Variants in UBL7 observed in about 807,000 individuals in gnomAD.
UBL7 encodes the protein ubiquitin like 7.
UBL7 carries 21 observed loss-of-function variants against 41.7 expected under a neutral mutation model. The ratio of observed to expected loss-of-function variants is 0.50; its 90% confidence interval spans 0.36 to 0.73. The LOEUF (loss-of-function observed/expected upper bound fraction) is 0.73. UBL7 is among the 30% of genes least tolerant of loss of function. UBL7 has a pLI of 0.00. For synonymous variants in UBL7, 157 were observed against 186.9 expected (o/e 0.84, Z 1.31); for missense variants, 403 against 478.4 (o/e 0.84, Z 1.47).
intron 10 of UBL7, among the ~76,000 whole-genome samples, chr15:74,447,008 G>T (rs2061189978): frequency 6.6e-6 from 1 of 152,108 alleles, no homozygotes; most frequent in South Asian, 2.1e-4. Flanking sequence ...AACATGGAGG[G>T]CTTAAAAAAA....
intron 1 of UBL7, among the ~76,000 whole-genome samples, chr15:74,460,214 C>G (rs2061335853): frequency 6.6e-6 from 1 of 152,084 alleles, no homozygotes. Context: ...TGCACTCCAG[C>G]TTGGGCGACA....
chr15:74,448,986 T>C (rs1040996068), intron 9 of UBL7, among the ~76,000 whole-genome samples, 200 bp downstream of exon 9: 5 of 152,134 alleles, frequency 3.3e-5, no homozygotes, highest in Non-Finnish European at 5.9e-5. Context: ...CACGGGACCA[T>C]GTTAAAATCT....
At position 74,448,534 on chromosome 15, in the gene UBL7, G is replaced by A. The variant is rs752125422; in HGVS notation, c.949C>T (p.Leu317Phe). The change falls in exon 10 of 11, where the codon CTC becomes TTC. Residue 317 changes from leucine (L) to phenylalanine (F), a missense_variant. Leu to Phe is a conservative substitution (Grantham distance 22). Transcript: ENST00000395081. ...VQSGTPITND[L>F]FSQALQHALQ... ...GCATGCTGTAGGGCTTGGCTGAAGAGATCATTGGTGATGGGCGTCCCTGAC... is the reference window on the plus strand; with the variant it reads ...GCATGCTGTAGGGCTTGGCTGAAGAAATCATTGGTGATGGGCGTCCCTGAC... The A allele has an allele frequency of 1.2e-6, 2 of 1,614,078 alleles. No homozygotes were observed. The highest frequency in any genetic ancestry group is 3.3e-5 in the Admixed American group (2 of 60,010).
At chr15:74,449,851 C>T (rs761334354) in intron 7 of UBL7, 85 bp downstream of exon 7, 9 of 1,548,308 alleles carry the variant, frequency 5.8e-6, no homozygotes, top group African/African-American at 4.1e-5. Context: ...CCTCTGCCAA[C>T]GCTATACATA....
chr15:74,452,797 C>T (rs762200340), intron 3 of UBL7, among the ~76,000 whole-genome samples: 2 of 152,184 alleles, frequency 1.3e-5, no homozygotes, highest in Non-Finnish European at 2.9e-5. Context: ...CTGCAACCTC[C>T]ACCTCCCTGG....
intron 9 of UBL7, 131 bp from the exon 10 acceptor site, chr15:74,448,731 T>G (rs2061210415): frequency 1.5e-6 from 2 of 1,310,502 alleles, no homozygotes; most frequent in African/African-American, 2.9e-5. Flanking sequence ...AGACCTGCCA[T>G]AAGACAACCA....
At position 74,458,851 on chromosome 15, in the gene UBL7, C is replaced by T. The variant is rs1204879278; in HGVS notation, c.17G>A (p.Trp6Ter). The stretch of plus-strand genomic sequence containing the variant: ...GTCAGCCAGCTTCACCGCCAGGTGC[C>T]AGTCTGAGAGAGACATCCTCTCTCT... MSLSD[W>*]HLAVKLADQP... The change falls in exon 2 of 11, where the codon TGG (tryptophan) becomes TAG (stop). Residue 6 changes from tryptophan to a stop codon, truncating the protein, a stop_gained. Coordinates refer to ENST00000395081, the MANE Select transcript of UBL7 (RefSeq NM_032907.5). LOFTEE classifies it high-confidence loss of function. 1.2e-6 allele frequency: 2 copies of T among 1,611,728 alleles called. No homozygotes were observed. The highest frequency in any genetic ancestry group is 1.1e-5 in the South Asian group (1 of 91,084).
In UBL7 at chr15:74,450,873, G is replaced by A. The variant is rs2061238753; in HGVS notation, c.473-14C>T. 6.2e-7 allele frequency: 1 copy of A among 1,612,966 alleles called. No homozygotes were observed. Among genetic ancestry groups the A allele is most frequent in the Admixed American group, 1.7e-5 (1 of 59,990 alleles). ...CCTGGAGAACCCCTGAAAAAGAGCA[G>A]AGCTCACCTCAAAGAAAGGAAATCA... On this transcript the variant is annotated splice_polypyrimidine_tract_variant and intron_variant, in intron 5 of 10. Transcript: ENST00000395081.
At chr15:74,456,385 CTG>C (rs1162933030) in intron 3 of UBL7, among the ~76,000 whole-genome samples, 165 bp downstream of exon 3, 3 of 152,206 alleles carry the variant, frequency 2.0e-5, no homozygotes, top group African/African-American at 7.2e-5. Context: ...AAATTGGACT[CTG>C]TTTATCAGCA....
chr15:74,449,416 C>T, intron 8 of UBL7, 63 bp from the exon 9 acceptor site: 11 of 1,586,484 alleles, frequency 6.9e-6, no homozygotes, highest in Non-Finnish European at 8.6e-6. Context: ...ATGAACTCCA[C>T]CCACCTCCAG....
rs745554019 is a variant in UBL7, at chr15:74,450,002, C to T, written c.598G>A (p.Ala200Thr). The change falls in exon 7 of 11, where the codon GCC becomes ACC. Residue 200 changes from alanine (A) to threonine (T), a missense_variant. Ala to Thr is a moderately conservative substitution (Grantham distance 58). Transcript: ENST00000395081. ...VLVLHSVAGS[A>T]PMPGTDSSSR... ...GAGGAGTCAGTCCCAGGCATTGGGG[C>T]ACTGCCTGCTACGGAGTGCAGAACC... 6.2e-7 allele frequency: 1 copy of T among 1,613,616 alleles called. No individual in the cohort carries two copies. The highest frequency in any genetic ancestry group is 2.2e-5 in the East Asian group (1 of 44,878).
rs773541612 is a variant in UBL7, at chr15:74,452,384, G to T, written c.305-6C>A. The T allele has an allele frequency of 2.6e-6, 4 of 1,555,544 alleles. No homozygotes were observed. Among genetic ancestry groups the T allele is most frequent in the Non-Finnish European group, 3.5e-6 (4 of 1,148,676 alleles). ...AGCCACTTTGTCCACAGGTTCTGGGGGACAAGACATTCAGAGTTACCCTAT... is the reference window on the plus strand; with the variant it reads ...AGCCACTTTGTCCACAGGTTCTGGGTGACAAGACATTCAGAGTTACCCTAT... On this transcript the variant is annotated splice_region_variant and splice_polypyrimidine_tract_variant and intron_variant, in intron 3 of 10. Transcript: ENST00000395081.
intron 3 of UBL7, among the ~76,000 whole-genome samples, chr15:74,452,837 G>A (rs2061262765): frequency 6.6e-6 from 1 of 152,120 alleles, no homozygotes; most frequent in Non-Finnish European, 1.5e-5. Context: ...TCAGCCTCCT[G>A]AGTAGCTGGG....
intron 1 of UBL7, 49 bp downstream of exon 1, chr15:74,460,988 C>T: frequency 9.0e-7 from 1 of 1,108,832 alleles, no homozygotes; most frequent in South Asian, 2.1e-5. Flanking sequence ...GGCCCAAGGT[C>T]ACAGATCGCT....
chr15:74,456,741 C>T lies in UBL7; in HGVS notation c.185-70G>A, dbSNP rs560142748. 8.9e-4 allele frequency: 1,371 copies of T among 1,537,450 alleles called. 25 individuals are homozygous for T. The South Asian group carries it at 0.015, about 17-fold the overall frequency. On this transcript the variant is annotated intron_variant, in intron 2 of 10. Coordinates refer to ENST00000395081, the MANE Select transcript of UBL7 (RefSeq NM_032907.5). ...TTTACATGGTTTTTGTCCCGAGAAC[C>T]TTATTTTGATTAGATAGCTGGAGAA...
chr15:74,456,400 G>A (rs758032190), intron 3 of UBL7, 152 bp downstream of exon 3: 2 of 1,009,688 alleles, frequency 2.0e-6, no homozygotes, highest in Non-Finnish European at 2.8e-6. Flanking sequence ...TATCAGCATG[G>A]TCTAATCCAA....
At chr15:74,453,376 T>C (rs546581517) in intron 3 of UBL7, among the ~76,000 whole-genome samples, 2 of 152,240 alleles carry the variant, frequency 1.3e-5, no homozygotes, top group African/African-American at 2.4e-5. Flanking sequence ...AAATGCCACG[T>C]TGAAGACCTC....
At chr15:74,453,601 G>A (rs1596216819) in intron 3 of UBL7, among the ~76,000 whole-genome samples, 1 of 152,246 alleles carries the variant, frequency 6.6e-6, no homozygotes, top group Admixed American at 6.5e-5. Context: ...GTGGTGCTTT[G>A]AACAAACAGC....
At chr15:74,454,612 T>C (rs2061277954) in intron 3 of UBL7, among the ~76,000 whole-genome samples, 2 of 152,086 alleles carry the variant, frequency 1.3e-5, no homozygotes, top group African/African-American at 2.4e-5. Context: ...TGGTCAGGCT[T>C]GTCTCGAACT....
Sources: allele counts gnomAD v4.1 joint callset (sites outside exome capture counted in the v4.1 genomes callset), GRCh38; gene constraint gnomAD v4.1.1; transcripts MANE v1.5; gene names NCBI Gene and HGNC (gene_info 2026-07-23, HGNC 2026-07-21).